PCID2: variants seen among roughly 807,000 people sequenced by gnomAD.
PCID2 encodes the protein PCI domain containing 2, also known as PCI domain-containing protein 2.
In PCID2, 41 loss-of-function variants were observed where a neutral mutation model predicts 61.3. The ratio of observed to expected loss-of-function variants is 0.67; its 90% CI spans 0.52 to 0.87. The LOEUF is 0.87. PCID2 is among the 40% of genes least tolerant of loss of function. PCID2 has a pLI of 0.00. For synonymous variants in PCID2, 187 were observed against 177.8 expected, an observed-to-expected ratio of 1.05 and a Z score of -0.41; for missense variants, 392 against 493.4, an observed-to-expected ratio of 0.79 and a Z score of 1.95.
the PCID2 span, chr13:113,172,464 A>G: frequency 1.6e-4 from 58 of 352,700 alleles, 1 homozygote; most frequent in African/African-American, 1.0e-3. Flanking sequence ...CAGCCTGCAC[A>G]CTGGTGAGTG....
chr13:113,197,038 C>T (rs368517651), intron 4 of PCID2, 140 bp downstream of exon 4: 66 of 1,613,812 alleles, frequency 4.1e-5, no homozygotes, highest in African/African-American at 6.7e-5. Flanking sequence ...AGAGCTGAAA[C>T]GAGCTTCTGT....
chr13:113,205,651 A>G (rs1404827352), intron 1 of PCID2, among the ~76,000 whole-genome samples: 1 of 152,272 alleles, frequency 6.6e-6, no homozygotes, highest in East Asian at 1.9e-4. Flanking sequence ...GAATATCATT[A>G]GCCATAAAAA....
intron 7 of PCID2, chr13:113,186,802 C>T (rs959795635): frequency 2.0e-5 from 3 of 152,184 alleles, no homozygotes; most frequent in South Asian, 2.1e-4. Flanking sequence ...CACGCCATCT[C>T]GGTTTACGAA....
In PCID2 at chr13:113,179,832, C is replaced by T. The variant is rs2037462270; in HGVS notation, c.986+85G>A. The T allele has an allele frequency of 3.6e-6, 5 of 1,386,958 alleles. No homozygotes were observed. The South Asian group carries it at 6.6e-5, about 18-fold the overall frequency. The allele number at this position is 1,386,958 out of a possible 1,614,324, so 85.9% of individuals were successfully genotyped here. A position where few individuals can be genotyped will look rare whatever the true frequency, so the allele number is the denominator to read the frequency against. On this transcript the variant is annotated intron_variant, in intron 12 of 13. Transcript: ENST00000337344. The surrounding 1 kb of genome is among the most constrained non-coding windows in gnomAD (Gnocchi z 4.3). ...ACGACCCCACCCACACGGTGGCCTT[C>T]TCTCTTAGACTGCAACAGCCCTGGA...
downstream of PCID2, among the ~76,000 whole-genome samples, chr13:113,177,233 G>A (rs1285168173): frequency 7.2e-5 from 11 of 152,192 alleles, no homozygotes; most frequent in Admixed American, 7.2e-4. Flanking sequence ...TGCCTCCCGG[G>A]TTCAAGCGAT....
At chr13:113,176,150 C>G (rs115973443), downstream of PCID2, among the ~76,000 whole-genome samples, 1 of 152,204 alleles carries the variant, frequency 6.6e-6, no homozygotes, top group Non-Finnish European at 1.5e-5. Context: ...TCCTGCGCCG[C>G]GCGGCCCGGA....
At chr13:113,187,511 T>C (rs2038225442) in intron 7 of PCID2, 1 of 152,210 alleles carries the variant, frequency 6.6e-6, no homozygotes, top group South Asian at 2.1e-4. Flanking sequence ...GTCATCCCAC[T>C]GGGTGTGGCC....
In PCID2 at chr13:113,178,004, T is replaced by A. The variant is rs1050210840; in HGVS notation, c.*194A>T. On this transcript the variant is annotated 3_prime_UTR_variant, in exon 14 of 14. Coordinates refer to ENST00000337344, the MANE Select transcript of PCID2 (RefSeq NM_001127202.4). ...GTGAAAAAGGAATTCCAGGTTTTCA[T>A]CAGGCTGAAATTAGTTACAAATGAA... The A allele has an allele frequency of 2.2e-6, 1 of 454,112 alleles. No individual in the cohort carries two copies. Among genetic ancestry groups the A allele is most frequent in the Non-Finnish European group, 4.0e-6 (1 of 251,384 alleles). 28.1% of individuals were successfully genotyped at this position (454,112 alleles called of 1,614,324 possible).
Position 113,189,248 on chromosome 13 carries a change from C to T in PCID2, c.467+1624G>A, listed in dbSNP as rs190923526. Among the ~76,000 whole-genome samples, 24 of 152,268 alleles carry T rather than the reference C, an allele frequency of 1.6e-4. No individual in the cohort carries two copies. The East Asian group carries it at 3.3e-3, about 21-fold the overall frequency. Reference sequence around the variant, plus strand: ...CCTGAGGCCTCACCAGAAGCAGATACGAGCACCATGCTTCTTGTGCAACCT... The same window carrying T: ...CCTGAGGCCTCACCAGAAGCAGATATGAGCACCATGCTTCTTGTGCAACCT... On this transcript the variant is annotated intron_variant, in intron 7 of 13. Coordinates refer to ENST00000337344, the MANE Select transcript of PCID2 (RefSeq NM_001127202.4).
At chr13:113,166,635 G>C in the PCID2 span, among the ~76,000 whole-genome samples, 2 of 152,220 alleles carry the variant, frequency 1.3e-5, no homozygotes, top group Non-Finnish European at 2.9e-5. Flanking sequence ...TGGAAGGCGG[G>C]GATGGAAGCG....
At chr13:113,177,104 G>A (rs1013286911), downstream of PCID2, among the ~76,000 whole-genome samples, 4 of 152,110 alleles carry the variant, frequency 2.6e-5, no homozygotes, top group Non-Finnish European at 5.9e-5. Flanking sequence ...TGTAGCACTC[G>A]GTAAGCTACA....
intron 2 of PCID2, among the ~76,000 whole-genome samples, chr13:113,199,548 G>T (rs1030205228): frequency 6.6e-6 from 1 of 152,186 alleles, no homozygotes; most frequent in African/African-American, 2.4e-5. Flanking sequence ...ACCACCGAAA[G>T]AAAGTTTACT....
At chr13:113,165,243 C>T in the PCID2 span, 3 of 925,512 alleles carry the variant, frequency 3.2e-6, no homozygotes, top group African/African-American at 3.3e-5. Flanking sequence ...GGGCTACTGA[C>T]TGCACTGACC....
At chr13:113,199,004 T>C (rs1481358508) in intron 2 of PCID2, among the ~76,000 whole-genome samples, 6 of 152,254 alleles carry the variant, frequency 3.9e-5, no homozygotes, top group Non-Finnish European at 8.8e-5. Flanking sequence ...TGGGCTAGTC[T>C]AGCTGACATT....
intron 1 of PCID2, among the ~76,000 whole-genome samples, chr13:113,206,875 G>A (rs1415881292): frequency 6.6e-6 from 1 of 152,182 alleles, no homozygotes; most frequent in Non-Finnish European, 1.5e-5. Context: ...CTCTCTACTT[G>A]TTCCCTGGGT....
chr13:113,191,906 A>G (rs188243437), intron 6 of PCID2, among the ~76,000 whole-genome samples: 2 of 152,298 alleles, frequency 1.3e-5, no homozygotes, highest in Admixed American at 1.3e-4. Flanking sequence ...TAAACACCAG[A>G]CACTCTGCAA....
rs141920233 is a variant in PCID2 at position 113,208,635 on chromosome 13, G to A, written c.-1C>T. The A allele has an allele frequency of 1.2e-6, 2 of 1,607,408 alleles. No individual in the cohort carries two copies. The highest frequency in any genetic ancestry group is 1.7e-6 in the Non-Finnish European group (2 of 1,177,630). ...ACTGGTTAATGGTAATGTGCGCCAT[G>A]GGAGCGCCGCCGAACGGAGAGCGCC... On this transcript the variant is annotated 5_prime_UTR_variant, in exon 1 of 14. Transcript: ENST00000337344.
intron 1 of PCID2, among the ~76,000 whole-genome samples, chr13:113,206,437 G>A (rs1280043150): frequency 6.6e-6 from 1 of 152,212 alleles, no homozygotes; most frequent in Non-Finnish European, 1.5e-5. Flanking sequence ...ATAAAGAAGG[G>A]ATGGATCTGA....
At chr13:113,208,159 C>A in intron 1 of PCID2, 1 of 1,595,388 alleles carries the variant, frequency 6.3e-7, no homozygotes. Flanking sequence ...CACAGCCTCG[C>A]GCTTACTCCT....
Sources: allele counts gnomAD v4.1 joint callset (sites outside exome capture counted in the v4.1 genomes callset), GRCh38; gene constraint gnomAD v4.1.1; non-coding constraint Gnocchi (gnomAD v3.1); transcripts MANE v1.5; gene names NCBI Gene and HGNC (gene_info 2026-07-23, HGNC 2026-07-21).